Variants in CENPH observed in about 807,000 individuals in gnomAD.
CENPH encodes the protein CENP-H.
CENPH carries 40 observed loss-of-function variants against 42.9 expected under a neutral mutation model. The observed-to-expected ratio is 0.93, with a 90% CI of 0.72 to 1.21. The LOEUF (loss-of-function observed/expected upper bound fraction) is 1.21. Ranked by LOEUF, CENPH falls within the 50% of genes most tolerant of loss-of-function variation. The probability of loss-of-function intolerance (pLI) is 0.00; values close to 1 mark genes in which losing one functional copy is unlikely to be tolerated. For missense variants in CENPH, 302 were observed against 292.9 expected (o/e 1.03, Z -0.23); for synonymous variants, 88 against 96.5 (o/e 0.91, Z 0.52).
intron 1 of CENPH, among the ~76,000 whole-genome samples, chr5:69,191,453 G>A (rs1182637966): frequency 1.3e-5 from 2 of 152,242 alleles, no homozygotes; most frequent in African/African-American, 2.4e-5. Context: ...CGGAGCTTGT[G>A]GTGAGCCGAG....
chr5:69,195,097 C>T (rs1580224394), intron 3 of CENPH, among the ~76,000 whole-genome samples: 1 of 152,200 alleles, frequency 6.6e-6, no homozygotes, highest in East Asian at 1.9e-4. Flanking sequence ...GGCGTGATGG[C>T]ACATGCCTGT....
chr5:69,201,702 T>A (rs550193200), intron 5 of CENPH, among the ~76,000 whole-genome samples: 40 of 152,136 alleles, frequency 2.6e-4, no homozygotes, highest in East Asian at 7.8e-4. Flanking sequence ...CTACAAAAAA[T>A]GTAAAAATTA....
intron 7 of CENPH, among the ~76,000 whole-genome samples, chr5:69,204,220 G>A (rs927326832): frequency 1.3e-5 from 2 of 150,080 alleles, no homozygotes; most frequent in African/African-American, 2.4e-5. Context: ...TAGAACATTT[G>A]GAAATAAAGG....
At position 69,202,430 on chromosome 5, in the gene CENPH, C is replaced by T. The variant is rs1368537731; in HGVS notation, c.372-76C>T. On this transcript the variant is annotated intron_variant, in intron 5 of 8. Transcript: ENST00000283006. ...AAAGTAAGTTTTCACTCATTGATTC[C>T]TTCATTAATGACAGCTATTATTTTT... 29 of 812,428 alleles carry T rather than the reference C, an allele frequency of 3.6e-5. No individual in the cohort carries two copies. In the South Asian group the frequency reaches 4.3e-4, roughly 12 times the overall value. 50.3% of individuals were successfully genotyped at this position (812,428 alleles called of 1,614,324 possible). A position where few individuals can be genotyped will look rare whatever the true frequency, so the allele number is the denominator to read the frequency against.
At chr5:69,208,719 A>G (rs777415104) in intron 8 of CENPH, among the ~76,000 whole-genome samples, 2 of 152,152 alleles carry the variant, frequency 1.3e-5, no homozygotes, top group East Asian at 1.9e-4. Flanking sequence ...TTTGATCTTG[A>G]TGAAATAATT....
In CENPH at chr5:69,189,724, C is replaced by T. The variant is rs748834573; in HGVS notation, c.90C>T (p.Gly30=). ...CAGGCGGGCCACCGCAGGTCGCCGG[C>T]GCCCAGGCGGCGTGCAGCGAGGACC... ...GRAGGPPQVA[G]AQAACSEDRM... The change falls in exon 1 of 9, where the codon GGC becomes GGT. Residue 30 remains glycine, a synonymous_variant. Coordinates refer to ENST00000283006, the MANE Select transcript of CENPH (RefSeq NM_022909.4). The T allele has an allele frequency of 1.9e-6, 3 of 1,558,550 alleles. No homozygotes were observed. The highest frequency in any genetic ancestry group is 1.2e-5 in the South Asian group (1 of 85,538).
At chr5:69,206,917 A>C (rs1240634163) in intron 7 of CENPH, among the ~76,000 whole-genome samples, 1 of 151,976 alleles carries the variant, frequency 6.6e-6, no homozygotes, top group Non-Finnish European at 1.5e-5. Flanking sequence ...GGGTCTTGCT[A>C]TGTTTCCCAG....
intron 2 of CENPH, among the ~76,000 whole-genome samples, chr5:69,192,806 T>C (rs532364913): frequency 6.6e-6 from 1 of 152,034 alleles, no homozygotes; most frequent in East Asian, 1.9e-4. Context: ...ATTTAAAAAA[T>C]ATATATATGG....
chr5:69,204,993 A>G (rs1321888779), intron 7 of CENPH, among the ~76,000 whole-genome samples: 1 of 138,742 alleles, frequency 7.2e-6, no homozygotes, highest in Non-Finnish European at 1.5e-5. Context: ...ATCTCAGCTC[A>G]TGGCAATCTC....
chr5:69,197,913 C>CTTTT (rs1172938522), intron 5 of CENPH, among the ~76,000 whole-genome samples: 5 of 74,168 alleles, frequency 6.7e-5, no homozygotes, highest in African/African-American at 1.1e-4. Flanking sequence ...TACCTATGAT[C>CTTTT]TTTTTTTTTT....
rs1200184242 is a variant in CENPH, at chr5:69,191,927, C to T, written c.190+77C>T. On this transcript the variant is annotated intron_variant, in intron 2 of 8. Coordinates refer to ENST00000283006, the MANE Select transcript of CENPH (RefSeq NM_022909.4). ...TTTGAGACAGGGTCTTGCTATCACC[C>T]AGGCTGTAATGTAGTGGCGCAGTCT... The T allele has an allele frequency of 8.2e-6, 7 of 858,000 alleles. No individual in the cohort carries two copies. In the East Asian group the frequency reaches 1.5e-4, roughly 19 times the overall value. 53.1% of individuals were successfully genotyped at this position (858,000 alleles called of 1,614,324 possible). A position where few individuals can be genotyped will look rare whatever the true frequency, so the allele number is the denominator to read the frequency against.
At chr5:69,203,967 G>T in intron 7 of CENPH, among the ~76,000 whole-genome samples, 1 of 136,844 alleles carries the variant, frequency 7.3e-6, no homozygotes, top group African/African-American at 2.7e-5. Context: ...CATTTATATG[G>T]ACATGGAAAT....
At chr5:69,203,546 T>G (rs550042427) in intron 7 of CENPH, among the ~76,000 whole-genome samples, 173 of 152,212 alleles carry the variant, frequency 1.1e-3, no homozygotes, top group Non-Finnish European at 1.7e-3. Flanking sequence ...TTCGTATTTT[T>G]TTAGTAGAGA....
chr5:69,202,787 G>A, intron 6 of CENPH, 132 bp from the exon 7 acceptor site: 1 of 645,842 alleles, frequency 1.5e-6, no homozygotes. Flanking sequence ...TCCTTTTGCT[G>A]TCTGGAAATA....
chr5:69,194,744 C>T (rs766107615), intron 3 of CENPH, 49 bp downstream of exon 3: 3 of 1,170,956 alleles, frequency 2.6e-6, no homozygotes, highest in Non-Finnish European at 3.7e-6. Context: ...AAGATTTAAT[C>T]ATATTTTCTA....
Position 69,189,769 on chromosome 5 carries a change from G to T in CENPH, c.134+1G>T. Reference sequence around the variant, plus strand: ...AGGACCGCATGACCCTGCTCCTCAGGTTGTTCCCTTTGGCCTCCTCAGCCG... The same window carrying T: ...AGGACCGCATGACCCTGCTCCTCAGTTTGTTCCCTTTGGCCTCCTCAGCCG... On this transcript the variant is annotated splice_donor_variant, in intron 1 of 8. Transcript: ENST00000283006. LOFTEE classifies it high-confidence loss of function. 6.7e-7 allele frequency: 1 copy of T among 1,485,068 alleles called. No individual in the cohort carries two copies. The highest frequency in any genetic ancestry group is 1.3e-5 in the South Asian group (1 of 76,580). 92.0% of individuals were successfully genotyped at this position (1,485,068 alleles called of 1,614,324 possible).
chr5:69,199,376 T>C (rs757968121), intron 5 of CENPH, among the ~76,000 whole-genome samples: 1 of 152,154 alleles, frequency 6.6e-6, no homozygotes, highest in East Asian at 1.9e-4. Flanking sequence ...GGTTTTGCCA[T>C]GTTGCCCAGG....
At chr5:69,197,164 T>C (rs925759329) in intron 5 of CENPH, 55 bp downstream of exon 5, 1 of 1,132,712 alleles carries the variant, frequency 8.8e-7, no homozygotes, top group Admixed American at 2.7e-5. Context: ...ATAGTGACTT[T>C]AGTTTTGTGA....
chr5:69,197,911 A>ATT (rs756442564), intron 5 of CENPH, among the ~76,000 whole-genome samples: 7 of 111,598 alleles, frequency 6.3e-5, no homozygotes, highest in Admixed American at 1.0e-4. Flanking sequence ...CTTACCTATG[A>ATT]TCTTTTTTTT....
Sources: gnomAD v4.1 joint callset for allele counts (sites outside exome capture counted in the v4.1 genomes callset) on GRCh38, gnomAD v4.1.1 for gene constraint, MANE v1.5 for transcripts, NCBI Gene and HGNC (gene_info 2026-07-23, HGNC 2026-07-21) for gene names.